The following FRK variants were observed in gnomAD, a reference collection of about 807,000 sequenced individuals.
FRK encodes fyn related Src family tyrosine kinase.
Under a neutral mutation model 56.4 loss-of-function variants are expected in FRK, and 51 were observed. The ratio of observed to expected loss-of-function variants is 0.90; its 90% CI spans 0.72 to 1.14. The LOEUF is 1.14. FRK is among the 50% of genes most tolerant of loss of function. The pLI is 0.00. For missense variants in FRK, 570 were observed against 601.4 expected, an observed-to-expected ratio of 0.95 and a Z score of 0.55; for synonymous variants, 245 against 217.9, an observed-to-expected ratio of 1.12 and a Z score of -1.10.
rs1773193815 is a variant in FRK at position 115,958,768 on chromosome 6, A to AGAAAGAAAGAAAGAG, written c.800-2159_800-2158insCTCTTTCTTTCTTTC. Among the ~76,000 whole-genome samples, 5 of 80,764 alleles carry AGAAAGAAAGAAAGAG rather than the reference A, an allele frequency of 6.2e-5. No homozygotes were observed. In the South Asian group the frequency reaches 2.8e-3, roughly 45 times the overall value. 53.0% of individuals were successfully genotyped at this position (80,764 alleles called of 152,430 possible). ...GAAAGAAAGAAAGAAAGAAAGAAAGAGGGGGGGGAAGGAGAGAGAGAAAGA... is the reference window on the plus strand; with the variant it reads ...GAAAGAAAGAAAGAAAGAAAGAAAGAGAAAGAAAGAAAGAGGGGGGGGGAAGGAGAGAGAGAAAGA... On this transcript the variant is annotated intron_variant, in intron 4 of 7. Coordinates refer to ENST00000606080, the MANE Select transcript of FRK (RefSeq NM_002031.3).
chr6:115,966,948 A>G (rs1317864318), intron 4 of FRK, among the ~76,000 whole-genome samples: 1 of 144,346 alleles, frequency 6.9e-6, no homozygotes. Flanking sequence ...GAGTTCAAAA[A>G]TTTGCTCAAG....
the FRK span, among the ~76,000 whole-genome samples, chr6:116,084,646 T>C: frequency 2.0e-5 from 3 of 152,212 alleles, no homozygotes; most frequent in Non-Finnish European, 4.4e-5. Flanking sequence ...CTTGATGTTA[T>C]TGGCCAAAAC....
chr6:115,952,152 TA>T (rs1772783467), intron 5 of FRK, among the ~76,000 whole-genome samples: 1 of 152,142 alleles, frequency 6.6e-6, no homozygotes, highest in Non-Finnish European at 1.5e-5. Context: ...ACTCTGATGG[TA>T]GTTTCTTTTG....
chr6:116,098,349 G>A, the FRK span, among the ~76,000 whole-genome samples: 4 of 152,030 alleles, frequency 2.6e-5, no homozygotes, highest in Non-Finnish European at 2.9e-5. Flanking sequence ...TACCTCAAGC[G>A]ATCTGCCTAC....
chr6:115,956,514 T>A lies in FRK; in HGVS notation c.896A>T (p.Glu299Val). The change falls in exon 5 of 8, where the codon GAA becomes GTA. Residue 299 changes from glutamate to valine, a missense_variant. Glu to Val is a moderately radical substitution (Grantham distance 121, BLOSUM62 -2). Transcript: ENST00000606080. ...CTCTGTAATAATATAAATTGGATCT[T>A]CTAAAGTGCAAACAGCATAAAGCTG... Reference protein sequence around the residue: ...LIQLYAVCTLEDPIYIITELM... With the variant: ...LIQLYAVCTLVDPIYIITELM... 6.3e-7 allele frequency: 1 copy of A among 1,591,348 alleles called. No homozygotes were observed. The highest frequency in any genetic ancestry group is 8.6e-7 in the Non-Finnish European group (1 of 1,169,156).
At chr6:116,043,233 C>A (rs897900150) in intron 1 of FRK, among the ~76,000 whole-genome samples, 15 of 152,070 alleles carry the variant, frequency 9.9e-5, no homozygotes, top group Non-Finnish European at 2.1e-4. Context: ...CTTGACCAAG[C>A]GGACCTAATA....
chr6:116,000,223 C>CTTTTTTTTTTTT lies in FRK; in HGVS notation c.466+3642_466+3653dup, dbSNP rs561273499. Among the ~76,000 whole-genome samples, 134 of 53,066 alleles carry CTTTTTTTTTTTT rather than the reference C, an allele frequency of 2.5e-3. 21 individuals carry two copies. The highest frequency in any genetic ancestry group is 5.7e-3 in the East Asian group (16 of 2,818). 34.8% of individuals were successfully genotyped at this position (53,066 alleles called of 152,430 possible). ...TTTCCTCATGAAAATATCATTCTTTCTTTTTTTTTTTTTTTTTTTTTTTTT... is the reference window on the plus strand; with the variant it reads ...TTTCCTCATGAAAATATCATTCTTTCTTTTTTTTTTTTTTTTTTTTTTTTTTTTTTTTTTTTT... On this transcript the variant is annotated intron_variant, in intron 2 of 7. Transcript: ENST00000606080.
intron 1 of FRK, among the ~76,000 whole-genome samples, chr6:116,040,841 C>A (rs1776682428): frequency 1.3e-5 from 2 of 151,878 alleles, no homozygotes; most frequent in Non-Finnish European, 2.9e-5. Flanking sequence ...GCTTTAGAAC[C>A]TACCTGAAAG....
chr6:116,068,400 G>T, the FRK span, among the ~76,000 whole-genome samples: 1 of 151,686 alleles, frequency 6.6e-6, no homozygotes, highest in African/African-American at 2.4e-5. Flanking sequence ...AAAAAAAAAA[G>T]ATGCCGAATT....
At chr6:116,039,936 CTGG>C (rs1292371976) in intron 1 of FRK, among the ~76,000 whole-genome samples, 1 of 145,832 alleles carries the variant, frequency 6.9e-6, no homozygotes, top group Non-Finnish European at 1.5e-5. Flanking sequence ...GAATAAACAC[CTGG>C]CACTAAAAAA....
At chr6:116,074,445 AAACT>A in the FRK span, among the ~76,000 whole-genome samples, 7 of 152,312 alleles carry the variant, frequency 4.6e-5, no homozygotes, top group South Asian at 1.4e-3. Flanking sequence ...GTAACTGATG[AAACT>A]AACGTAACCA....
intron 2 of FRK, among the ~76,000 whole-genome samples, chr6:115,997,687 C>T (rs1774893126): frequency 6.6e-6 from 1 of 152,162 alleles, no homozygotes; most frequent in Non-Finnish European, 1.5e-5. Flanking sequence ...GTTTTATCTT[C>T]TAGATATTTC....
chr6:116,080,874 G>A, the FRK span, among the ~76,000 whole-genome samples: 2 of 152,174 alleles, frequency 1.3e-5, no homozygotes, highest in Non-Finnish European at 2.9e-5. Context: ...ATGGATGTGA[G>A]AAAATAGATG....
intron 1 of FRK, among the ~76,000 whole-genome samples, chr6:116,025,327 C>T (rs1224096511): frequency 1.3e-5 from 2 of 151,944 alleles, no homozygotes; most frequent in East Asian, 3.8e-4. Flanking sequence ...AGTTATGCTC[C>T]CAATTAGCTG....
At chr6:116,017,430 T>C (rs1475028695) in intron 1 of FRK, among the ~76,000 whole-genome samples, 1 of 152,210 alleles carries the variant, frequency 6.6e-6, no homozygotes, top group African/African-American at 2.4e-5. Context: ...TTTCAATTTT[T>C]CTACATCGCT....
chr6:115,945,840 C>T (rs1272639015), intron 5 of FRK, among the ~76,000 whole-genome samples: 8 of 152,112 alleles, frequency 5.3e-5, no homozygotes, highest in Non-Finnish European at 1.0e-4. Context: ...GTTTCTCCCA[C>T]TACTAATTCT....
chr6:115,970,718 G>A (rs1033273550), intron 2 of FRK, among the ~76,000 whole-genome samples: 30 of 152,164 alleles, frequency 2.0e-4, no homozygotes, highest in Non-Finnish European at 5.9e-5. Flanking sequence ...CGCAATGGTG[G>A]CAGACCCTGT....
intron 1 of FRK, among the ~76,000 whole-genome samples, chr6:116,014,558 G>GA (rs1288464069): frequency 0.018 from 2,516 of 141,714 alleles, 22 homozygotes; most frequent in African/African-American, 0.025. Context: ...AGTGGTCAGG[G>GA]AAAAAAAAAA....
chr6:115,959,199 T>C (rs1016511599), intron 4 of FRK, among the ~76,000 whole-genome samples: 1 of 152,254 alleles, frequency 6.6e-6, no homozygotes, highest in Non-Finnish European at 1.5e-5. Context: ...TAGCCGCTCA[T>C]ATTGATTAAT....
Sources: allele counts gnomAD v4.1 joint callset (sites outside exome capture counted in the v4.1 genomes callset), GRCh38; gene constraint gnomAD v4.1.1; transcripts MANE v1.5; gene names NCBI Gene and HGNC (gene_info 2026-07-23, HGNC 2026-07-21).